KIAA1143: variants seen among roughly 807,000 people sequenced by gnomAD.
KIAA1143 encodes the protein uncharacterized protein KIAA1143.
Under a neutral mutation model 17.0 loss-of-function variants are expected in KIAA1143, and 8 were observed. That is an observed-to-expected ratio of 0.47 (90% CI 0.28 to 0.85). The LOEUF (loss-of-function observed/expected upper bound fraction) is 0.85, where lower values mean the gene tolerates loss of function less well. KIAA1143 is among the 40% of genes least tolerant of loss of function. The probability of loss-of-function intolerance (pLI) is 0.12; values close to 1 mark genes in which losing one functional copy is unlikely to be tolerated. For synonymous variants in KIAA1143, 64 were observed against 67.8 expected, an observed-to-expected ratio of 0.94 and a Z score of 0.27; for missense variants, 162 against 183.3, an observed-to-expected ratio of 0.88 and a Z score of 0.67.
At chr3:44,760,635 G>A (rs1053493921) in intron 1 of KIAA1143, among the ~76,000 whole-genome samples, 11 of 149,096 alleles carry the variant, frequency 7.4e-5, no homozygotes, top group African/African-American at 2.5e-4. Flanking sequence ...GTGATCTGCC[G>A]CCTCAGCCTC....
rs1704870044 is a variant in KIAA1143 at position 44,749,819 on chromosome 3, C to T, written c.*3522G>A. 1 of 151,998 alleles carries T rather than the reference C, an allele frequency of 6.6e-6. No homozygotes were observed. The highest frequency in any genetic ancestry group is 2.4e-5 in the African/African-American group (1 of 41,366). 9.4% of individuals were successfully genotyped at this position (151,998 alleles called of 1,614,324 possible). A position where few individuals can be genotyped will look rare whatever the true frequency, so the allele number is the denominator to read the frequency against. On this transcript the variant is annotated 3_prime_UTR_variant, in exon 3 of 3. Transcript: ENST00000296121. Reference sequence around the variant, plus strand: ...ATTTTTTATTTTTTTTGAGACAGTTCTTACTCTGTTGCCCAGGCTGGAGTG... The same window carrying T: ...ATTTTTTATTTTTTTTGAGACAGTTTTTACTCTGTTGCCCAGGCTGGAGTG...
chr3:44,756,635 G>A (rs992131341), intron 1 of KIAA1143, among the ~76,000 whole-genome samples: 5 of 152,138 alleles, frequency 3.3e-5, no homozygotes, highest in African/African-American at 1.2e-4. Context: ...ATTTCTTTTT[G>A]TTAATAGATG....
At chr3:44,760,279 G>A (rs556823676) in intron 1 of KIAA1143, among the ~76,000 whole-genome samples, 1 of 152,212 alleles carries the variant, frequency 6.6e-6, no homozygotes, top group Non-Finnish European at 1.5e-5. Flanking sequence ...TCATTCATGT[G>A]TTCAATACTG....
rs527806223 is a variant in KIAA1143, at chr3:44,759,894, CA to C, written c.108+1600del. ...TGGGCGACAGAGTGAGACCCTATCT[CA>C]AAAAAAAAAAAAAAAAAAAAGTCCT... On this transcript the variant is annotated intron_variant, in intron 1 of 2. Transcript: ENST00000296121. Among the ~76,000 whole-genome samples, 87 of 51,108 alleles carry C rather than the reference CA, an allele frequency of 1.7e-3. 2 individuals carry two copies. The highest frequency in any genetic ancestry group is 0.02 in the Middle Eastern group (1 of 50). The allele number at this position is 51,108 out of a possible 152,430, so 33.5% of individuals were successfully genotyped here.
At chr3:44,756,278 G>A (rs1704968251) in intron 1 of KIAA1143, among the ~76,000 whole-genome samples, 2 of 152,284 alleles carry the variant, frequency 1.3e-5, no homozygotes, top group South Asian at 4.1e-4. Context: ...AAAGTGAATA[G>A]GGCCAGGCGC....
rs181031733 is a variant in KIAA1143 at position 44,753,375 on chromosome 3, A to C, written c.431T>G (p.Leu144Arg). Residue 144 changes from leucine (L) to arginine (R), a missense_variant, in exon 3 of 3, where the codon CTC becomes CGC. This residue lies in a region of KIAA1143 where 25 missense variants were observed against 50.8 expected (regional missense o/e 0.49). Coordinates refer to ENST00000296121, the MANE Select transcript of KIAA1143 (RefSeq NM_020696.4). ...NSQKQIKNSS[L>R]LSFDNEDENE ...TTCATCTTCGTTGTCAAAAGAAAGG[A>C]GGCTACTATTTTTAATTTGTTTTTG... 322 of 1,600,984 alleles carry C rather than the reference A, an allele frequency of 2.0e-4. No individual in the cohort carries two copies. The East Asian group carries it at 6.2e-3, about 31-fold the overall frequency.
At chr3:44,754,129 C>T (rs755144881) in intron 2 of KIAA1143, 95 bp downstream of exon 2, 5 of 1,305,626 alleles carry the variant, frequency 3.8e-6, no homozygotes, top group Non-Finnish European at 5.3e-6. Flanking sequence ...CCGGAACTGC[C>T]ACCTTGAAAC....
chr3:44,754,489 A>G, intron 1 of KIAA1143, 121 bp from the exon 2 acceptor site: 1 of 940,516 alleles, frequency 1.1e-6, no homozygotes, highest in Non-Finnish European at 1.6e-6. Context: ...AATAAGGGCA[A>G]TGAATTTTAA....
intron 1 of KIAA1143, among the ~76,000 whole-genome samples, chr3:44,755,219 A>T (rs1039875514): frequency 6.6e-6 from 1 of 152,230 alleles, no homozygotes; most frequent in Admixed American, 6.5e-5. Flanking sequence ...GCATCTTGTA[A>T]ATACAAATTT....
chr3:44,749,741 A>T lies in KIAA1143; in HGVS notation c.*3600T>A, dbSNP rs1328406261. The T allele has an allele frequency of 1.3e-5, 2 of 152,248 alleles. No homozygotes were observed. Among genetic ancestry groups the T allele is most frequent in the Non-Finnish European group, 2.9e-5 (2 of 68,040 alleles). 9.4% of individuals were successfully genotyped at this position (152,248 alleles called of 1,614,324 possible). The stretch of plus-strand genomic sequence containing the variant: ...TCCAGATAGAATAAAGGTTAATGTG[A>T]ATAAACAAAAACAAAGAGAATATGG... On this transcript the variant is annotated 3_prime_UTR_variant, in exon 3 of 3. Transcript: ENST00000296121.
chr3:44,760,232 T>C (rs1705057773), intron 1 of KIAA1143, among the ~76,000 whole-genome samples: 1 of 152,198 alleles, frequency 6.6e-6, no homozygotes, highest in South Asian at 2.1e-4. Flanking sequence ...CACTAAAACT[T>C]TCTCTGTATC....
rs527806223 is a variant in KIAA1143, at chr3:44,759,894, CAAA to C, written c.108+1598_108+1600del. On this transcript the variant is annotated intron_variant, in intron 1 of 2. Coordinates refer to ENST00000296121, the MANE Select transcript of KIAA1143 (RefSeq NM_020696.4). ...TGGGCGACAGAGTGAGACCCTATCT[CAAA>C]AAAAAAAAAAAAAAAAAAGTCCTAG... is the stretch of plus-strand genomic sequence containing the variant. Among the ~76,000 whole-genome samples, 6 of 51,106 alleles carry C rather than the reference CAAA, an allele frequency of 1.2e-4. 1 individual carries two copies. The highest frequency in any genetic ancestry group is 2.3e-3 in the South Asian group (2 of 866). The allele number at this position is 51,106 out of a possible 152,430, so 33.5% of individuals were successfully genotyped here.
rs770133100 is a variant in KIAA1143, at chr3:44,761,579, C to G, written c.24G>C (p.Ser8=). The G allele has an allele frequency of 3.7e-6, 6 of 1,613,130 alleles. No individual in the cohort carries two copies. The highest frequency in any genetic ancestry group is 1.7e-5 in the Admixed American group (1 of 59,900). MSKRNQV[S]YVRPAEPAFL... is the part of the protein sequence containing the mutation. ...ACGCCGGCTCGGCTGGCCGCACGTA[C>G]GATACCTGGTTCCGCTTGCTCATGG... Residue 8 remains serine (S), a synonymous_variant, in exon 1 of 3, where the codon TCG becomes TCC. Transcript: ENST00000296121.
In KIAA1143 at chr3:44,749,295, AAG is replaced by A. The variant is rs1262683025; in HGVS notation, c.*4044_*4045del. On this transcript the variant is annotated 3_prime_UTR_variant, in exon 3 of 3. Transcript: ENST00000296121. ...TCCCAGATACTTGGGAGGCTGAGGC[AAG>A]AGAATGGTGTGAACCCAGGAGGCGG... 7 of 152,176 alleles carry A rather than the reference AAG, an allele frequency of 4.6e-5. No individual in the cohort carries two copies. The highest frequency in any genetic ancestry group is 1.7e-4 in the African/African-American group (7 of 41,430). 9.4% of individuals were successfully genotyped at this position (152,176 alleles called of 1,614,324 possible).
chr3:44,757,647 C>T (rs1226967552), intron 1 of KIAA1143, among the ~76,000 whole-genome samples: 1 of 151,912 alleles, frequency 6.6e-6, no homozygotes, highest in Non-Finnish European at 1.5e-5. Context: ...CAAGTAGTTG[C>T]AATATAAAAT....
In KIAA1143 at chr3:44,753,356, T is replaced by G; in HGVS notation, c.450A>C (p.Glu150Asp). The change falls in exon 3 of 3, where the codon GAA (glutamate) becomes GAC (aspartate). Residue 150 changes from glutamate (E) to aspartate (D), a missense_variant. Physicochemically the swap from Glu to Asp is conservative, Grantham distance 45. Coordinates refer to ENST00000296121, the MANE Select transcript of KIAA1143 (RefSeq NM_020696.4). ...KNSSLLSFDN[E>D]DENE ...ATATTTACACTTACTCATTTTCATC[T>G]TCGTTGTCAAAAGAAAGGAGGCTAC... 6.2e-7 allele frequency: 1 copy of G among 1,600,006 alleles called. No homozygotes were observed. The highest frequency in any genetic ancestry group is 8.6e-7 in the Non-Finnish European group (1 of 1,167,736).
chr3:44,755,347 T>A (rs531086282), intron 1 of KIAA1143, among the ~76,000 whole-genome samples: 1 of 152,278 alleles, frequency 6.6e-6, no homozygotes, highest in East Asian at 1.9e-4. Flanking sequence ...GGTGGAACTG[T>A]TGGGTTGAAA....
Position 44,752,388 on chromosome 3 carries a change from T to G in KIAA1143, c.*953A>C, listed in dbSNP as rs1704903517. 3 of 151,918 alleles carry G rather than the reference T, an allele frequency of 2.0e-5. No homozygotes were observed. Among genetic ancestry groups the G allele is most frequent in the Admixed American group, 6.6e-5 (1 of 15,236 alleles). The allele number at this position is 151,918 out of a possible 1,614,324, so 9.4% of individuals were successfully genotyped here. On this transcript the variant is annotated 3_prime_UTR_variant, in exon 3 of 3. Coordinates refer to ENST00000296121, the MANE Select transcript of KIAA1143 (RefSeq NM_020696.4). ...TCATTGCTTTGTGCGTTTTGTTCAA[T>G]TATTTGTCCAAAATGCCAAGAACCT...
rs771311675 is a variant in KIAA1143, at chr3:44,754,382, C to A, written c.109-14G>T. On this transcript the variant is annotated splice_polypyrimidine_tract_variant and intron_variant, in intron 1 of 2. Coordinates refer to ENST00000296121, the MANE Select transcript of KIAA1143 (RefSeq NM_020696.4). Reference sequence around the variant, plus strand: ...AGGCTGAATTCTCTAGGGAAAAACACAAATACAATGTGTAGATCACTGATC... The same window carrying A: ...AGGCTGAATTCTCTAGGGAAAAACAAAAATACAATGTGTAGATCACTGATC... The A allele has an allele frequency of 1.9e-6, 3 of 1,612,664 alleles. No homozygotes were observed. In the African/African-American group the frequency reaches 4.0e-5, roughly 22 times the overall value.
Sources: gnomAD v4.1 joint callset for allele counts (sites outside exome capture counted in the v4.1 genomes callset) on GRCh38, gnomAD v4.1.1 for gene constraint, gnomAD v4.1.1 regional missense constraint, MANE v1.5 for transcripts, NCBI Gene and HGNC (gene_info 2026-07-23, HGNC 2026-07-21) for gene names.